ZNF185: variants seen among roughly 807,000 people sequenced by gnomAD.
ZNF185 encodes zinc finger protein 185 with LIM domain.
Under a neutral mutation model 58.6 loss-of-function variants are expected in ZNF185, and 56 were observed. That is an observed-to-expected ratio of 0.95 (90% CI 0.77 to 1.19). The LOEUF is 1.19. Ranked by LOEUF, ZNF185 falls within the 50% of genes most tolerant of loss-of-function variation. The probability of loss-of-function intolerance (pLI) is 0.00; values close to 1 mark genes in which losing one functional copy is unlikely to be tolerated. For synonymous variants in ZNF185, 230 were observed against 215.9 expected, an observed-to-expected ratio of 1.07 and a Z score of -0.57; for missense variants, 627 against 573.5, an observed-to-expected ratio of 1.09 and a Z score of -0.95.
At chrX:152,968,415 C>G (rs1316724990) in intron 20 of ZNF185, among the ~76,000 whole-genome samples, 1 of 112,824 alleles carries the variant, frequency 8.9e-6, no homozygotes, top group Admixed American at 9.3e-5. Context: ...AGGAAGGGGA[C>G]TCTCTAGGGA....
chrX:152,913,796 T>G (rs1352051149), upstream of ZNF185, among the ~76,000 whole-genome samples: 1 of 112,219 alleles, frequency 8.9e-6, no homozygotes, highest in Non-Finnish European at 1.9e-5. Flanking sequence ...GCTTGGCTCC[T>G]TTTCAGGTGG....
At chrX:152,916,520 T>C (rs1556865821) in intron 3 of ZNF185, among the ~76,000 whole-genome samples, 1 of 111,939 alleles carries the variant, frequency 8.9e-6, no homozygotes, top group Non-Finnish European at 1.9e-5. Context: ...GAACAAGGCC[T>C]GGCCGCGCCC....
At chrX:152,970,280 TG>T (rs2050550912) in intron 21 of ZNF185, among the ~76,000 whole-genome samples, 162 bp from the exon 24 acceptor site, 1 of 111,416 alleles carries the variant, frequency 9.0e-6, no homozygotes, top group Non-Finnish European at 1.9e-5. Flanking sequence ...TATTTTGTGA[TG>T]TTTTTTGTAT....
Position 152,920,317 on chromosome X carries a change from T to G in ZNF185, c.531-11T>G, listed in dbSNP as rs781808809. 13 of 1,208,317 alleles carry G rather than the reference T, an allele frequency of 1.1e-5. No homozygotes were observed. Among genetic ancestry groups the G allele is most frequent in the Non-Finnish European group, 1.5e-5 (13 of 893,863 alleles). ...ACCCATCAGATGCTCCCCCATCCCG[T>G]GTCACCCCAGGTCAGAGGCTGCAAG... On this transcript the variant is annotated splice_polypyrimidine_tract_variant and intron_variant, in intron 7 of 22. Transcript: ENST00000449285.
chrX:152,918,651 G>GC (rs782254079), intron 6 of ZNF185, among the ~76,000 whole-genome samples: 1 of 112,272 alleles, frequency 8.9e-6, no homozygotes, highest in African/African-American at 3.2e-5. Context: ...CCCTTTCAAA[G>GC]CCCCCCACCC....
At chrX:152,906,817 G>A in the ZNF185 span, among the ~76,000 whole-genome samples, 4 of 110,350 alleles carry the variant, frequency 3.6e-5, no homozygotes, top group African/African-American at 9.9e-5. Context: ...TGTGCATGGC[G>A]CCCAGTGCCC....
At chrX:152,906,615 T>C in the ZNF185 span, among the ~76,000 whole-genome samples, 1 of 112,791 alleles carries the variant, frequency 8.9e-6, no homozygotes, top group Admixed American at 9.3e-5. Context: ...TTATGCTGAC[T>C]CCTGACCCAC....
At position 152,964,592 on chromosome X, in the gene ZNF185, C is replaced by T. The variant is rs1378785175; in HGVS notation, c.1718+643C>T. On this transcript the variant is annotated intron_variant, in intron 18 of 22. Transcript: ENST00000449285. ...TGCTAGCTGTTCATGAGGGATCCCC[C>T]CATGATCCCGTCACCTCCCTCCAAG... Among the ~76,000 whole-genome samples the T allele has an allele frequency of 1.2e-4, 13 of 111,843 alleles. No individual in the cohort carries two copies. The Admixed American group carries it at 1.2e-3, about 11-fold the overall frequency.
rs1470208007 is a variant in ZNF185, at chrX:152,944,451, C to T, written c.1212-816C>T. The stretch of plus-strand genomic sequence containing the variant: ...CATTCTGAAATGCTGGGCTCACTCT[C>T]TTAGTAGCCCAACTTGGTGTTTGCC... On this transcript the variant is annotated intron_variant, in intron 15 of 22. Coordinates refer to ENST00000449285, the Ensembl canonical transcript of ZNF185. Among the ~76,000 whole-genome samples the T allele has an allele frequency of 9.8e-5, 11 of 112,402 alleles. No individual in the cohort carries two copies. In the Admixed American group the frequency reaches 1.0e-3, roughly 11 times the overall value.
intron 17 of ZNF185, 52 bp downstream of exon 19, chrX:152,959,948 C>T (rs1569515421): frequency 8.9e-7 from 1 of 1,129,349 alleles, no homozygotes. Flanking sequence ...GTGTTTTTGT[C>T]CAGGGCAGCA....
At chrX:152,924,412 C>T (rs373557632) in intron 11 of ZNF185, among the ~76,000 whole-genome samples, 5 of 111,361 alleles carry the variant, frequency 4.5e-5, no homozygotes, top group Admixed American at 9.5e-5. Context: ...TGAGCCACCG[C>T]GCCCAGACCC....
chrX:152,964,265 C>T (rs1314477226), intron 18 of ZNF185, among the ~76,000 whole-genome samples: 3 of 112,813 alleles, frequency 2.7e-5, no homozygotes, highest in African/African-American at 9.7e-5. Context: ...CCGTGAAGGC[C>T]GGGCCTGTGA....
chrX:152,946,183 C>T (rs782731469), intron 16 of ZNF185, among the ~76,000 whole-genome samples: 1 of 112,346 alleles, frequency 8.9e-6, no homozygotes, highest in Non-Finnish European at 1.9e-5. Flanking sequence ...GTTTCTTACA[C>T]AAGACAGAAA....
chrX:152,898,758 T>G, the ZNF185 span, among the ~76,000 whole-genome samples: 1 of 112,379 alleles, frequency 8.9e-6, no homozygotes, highest in Non-Finnish European at 1.9e-5. Flanking sequence ...CTGCTCACAC[T>G]CAGACAGAAG....
chrX:152,926,197 G>A (rs1184161810), intron 11 of ZNF185, among the ~76,000 whole-genome samples: 7 of 112,354 alleles, frequency 6.2e-5, no homozygotes, highest in African/African-American at 2.3e-4. Context: ...GACTGACTGT[G>A]TGACCTTGAG....
intron 12 of ZNF185, among the ~76,000 whole-genome samples, chrX:152,928,887 C>G (rs1331364835): frequency 8.8e-6 from 1 of 113,156 alleles, no homozygotes; most frequent in Non-Finnish European, 1.9e-5. Flanking sequence ...AGGCCCGACC[C>G]TGGGACACAG....
At chrX:152,931,584 G>GACAGCTGGCGTTTGAGGATGAGGTA (rs1941988276) in intron 12 of ZNF185, 88 bp from the exon 14 acceptor site, 3 of 803,273 alleles carry the variant, frequency 3.7e-6, no homozygotes, top group Admixed American at 6.6e-5. Context: ...GCTCCGTGGA[G>GACAGCTGGCGTTTGAGGATGAGGTA]ACAGCTGGCG....
the ZNF185 span, among the ~76,000 whole-genome samples, chrX:152,909,390 G>C: frequency 8.9e-6 from 1 of 112,490 alleles, no homozygotes; most frequent in African/African-American, 3.2e-5. Flanking sequence ...CGTGAGCAGG[G>C]AGTTGTCCTT....
Position 152,918,161 on chromosome X carries a change from A to T in ZNF185, c.431+7A>T. 8.4e-7 allele frequency: 1 copy of T among 1,185,489 alleles called. No homozygotes were observed. The highest frequency in any genetic ancestry group is 1.1e-6 in the Non-Finnish European group (1 of 881,660). ...CTGAGGATTACAAGAAGCTGTGAGT[A>T]TGCAACGCCAGGCTCAGCGTGGTTC... On this transcript the variant is annotated splice_region_variant and intron_variant, in intron 6 of 22. Transcript: ENST00000449285.
Sources: allele counts gnomAD v4.1 joint callset (sites outside exome capture counted in the v4.1 genomes callset), GRCh38; gene constraint gnomAD v4.1.1; transcripts MANE v1.5; gene names NCBI Gene and HGNC (gene_info 2026-07-23, HGNC 2026-07-21).